The following RBFOX1 variants were observed in gnomAD, a reference collection of about 807,000 sequenced individuals.
RBFOX1 encodes RNA binding protein fox-1 homolog 1.
A neutral mutation model predicts 57.7 loss-of-function variants in RBFOX1; 8 were observed. That is an observed-to-expected ratio of 0.14 (90% CI 0.08 to 0.25). The LOEUF (loss-of-function observed/expected upper bound fraction) is 0.25. Ranked by LOEUF, RBFOX1 falls within the 10% of genes least tolerant of loss-of-function variation. The pLI, the probability that RBFOX1 is intolerant of heterozygous loss-of-function variation, is 1.00. For synonymous variants in RBFOX1, 326 were observed against 222.4 expected, an observed-to-expected ratio of 1.47 and a Z score of -4.15; for missense variants, 611 against 548.5, an observed-to-expected ratio of 1.11 and a Z score of -1.14.
chr16:7,045,746 C>A (rs563197075), intron 3 of RBFOX1, among the ~76,000 whole-genome samples: 1 of 152,094 alleles, frequency 6.6e-6, no homozygotes, highest in East Asian at 1.9e-4. Context: ...ACCTCTGCCA[C>A]CCAGGTTCAA....
intron 2 of RBFOX1, among the ~76,000 whole-genome samples, chr16:5,498,598 G>A (rs538522592): frequency 6.6e-6 from 1 of 152,326 alleles, no homozygotes; most frequent in South Asian, 2.1e-4. Context: ...TGTTTTAGGA[G>A]GCTGTGGCTG....
intron 4 of RBFOX1, among the ~76,000 whole-genome samples, chr16:7,238,706 A>T (rs534978715): frequency 1.2e-4 from 18 of 152,234 alleles, no homozygotes; most frequent in African/African-American, 4.3e-4. Flanking sequence ...CTTGTGTGTC[A>T]TGGGGGTTTG....
intron 4 of RBFOX1, among the ~76,000 whole-genome samples, chr16:7,444,072 C>G (rs562760237): frequency 3.3e-5 from 5 of 152,332 alleles, no homozygotes; most frequent in African/African-American, 9.6e-5. Flanking sequence ...GGAAGTTAAA[C>G]AAGACCACAC....
At chr16:7,231,532 C>T (rs1251516604) in intron 4 of RBFOX1, among the ~76,000 whole-genome samples, 4 of 152,146 alleles carry the variant, frequency 2.6e-5, no homozygotes, top group South Asian at 2.1e-4. Context: ...AACCCATTCC[C>T]AGTTAGATGC....
chr16:5,407,845 G>A (rs913448460), intron 1 of RBFOX1, among the ~76,000 whole-genome samples: 17 of 152,168 alleles, frequency 1.1e-4, no homozygotes, highest in South Asian at 2.1e-4. Flanking sequence ...CACTGCACAT[G>A]GCCCAGGCCT....
chr16:6,796,219 T>A (rs1274202726), intron 3 of RBFOX1, among the ~76,000 whole-genome samples: 4 of 152,246 alleles, frequency 2.6e-5, no homozygotes, highest in African/African-American at 9.6e-5. Flanking sequence ...CTGAAGAGAC[T>A]TATTCACTAT....
chr16:6,116,188 A>T (rs947813376), intron 1 of RBFOX1, among the ~76,000 whole-genome samples: 2 of 151,402 alleles, frequency 1.3e-5, no homozygotes, highest in Admixed American at 1.3e-4. Context: ...CGAACACCGT[A>T]TGTCCTCACT....
intron 3 of RBFOX1, among the ~76,000 whole-genome samples, chr16:6,824,450 T>C (rs1030278669): frequency 3.3e-5 from 5 of 152,204 alleles, no homozygotes; most frequent in African/African-American, 9.6e-5. Flanking sequence ...CAACTCAAGA[T>C]GTTCTATTGC....
chr16:5,737,081 C>G (rs997815318), intron 3 of RBFOX1, among the ~76,000 whole-genome samples: 2 of 152,056 alleles, frequency 1.3e-5, no homozygotes, highest in South Asian at 2.1e-4. Context: ...GTGATGGTGA[C>G]TTGCATTGCC....
At chr16:5,809,195 C>T (rs528318629) in intron 3 of RBFOX1, among the ~76,000 whole-genome samples, 1 of 152,242 alleles carries the variant, frequency 6.6e-6, no homozygotes, top group South Asian at 2.1e-4. Context: ...AAGACTTAAA[C>T]ATTAGACCTA....
intron 1 of RBFOX1, among the ~76,000 whole-genome samples, chr16:6,313,736 C>G (rs774376891): frequency 2.6e-5 from 4 of 152,018 alleles, no homozygotes; most frequent in Admixed American, 6.6e-5. Flanking sequence ...AAATTGTGCC[C>G]AATTCCACTG....
intron 1 of RBFOX1, among the ~76,000 whole-genome samples, chr16:6,213,586 C>T (rs1319107481): frequency 2.0e-5 from 3 of 152,184 alleles, no homozygotes; most frequent in Non-Finnish European, 4.4e-5. Context: ...TAAGTCATGC[C>T]AATTGTTTAT....
At chr16:7,048,324 AT>A (rs1299999312) in intron 3 of RBFOX1, among the ~76,000 whole-genome samples, 4 of 151,958 alleles carry the variant, frequency 2.6e-5, no homozygotes, top group Non-Finnish European at 4.4e-5. Context: ...CAGTGGCACA[AT>A]CTTGGCTCAC....
At chr16:6,884,753 C>T (rs1362936366) in intron 3 of RBFOX1, among the ~76,000 whole-genome samples, 1 of 152,026 alleles carries the variant, frequency 6.6e-6, no homozygotes, top group East Asian at 1.9e-4. Flanking sequence ...CAAAAATTAG[C>T]TAGGTGTGAT....
intron 2 of RBFOX1, among the ~76,000 whole-genome samples, chr16:5,536,782 G>A (rs1436625977): frequency 6.6e-6 from 1 of 151,958 alleles, no homozygotes; most frequent in Admixed American, 6.6e-5. Context: ...GTAATATGTG[G>A]GGGAAAACAG....
intron 2 of RBFOX1, among the ~76,000 whole-genome samples, chr16:6,544,300 A>G (rs1567624578): frequency 6.6e-6 from 1 of 152,176 alleles, no homozygotes; most frequent in Non-Finnish European, 1.5e-5. Context: ...CTTTGAATGG[A>G]TTCAAATCAA....
At position 7,618,576 on chromosome 16, in the gene RBFOX1, C is replaced by G. The variant is rs984571393; in HGVS notation, c.676+11238C>G. Reference sequence around the variant, plus strand: ...ACTTGTTATCATTAGATTATAAACTCTTTAGTTTGAAAGACTTTTTGCTTC... The same window carrying G: ...ACTTGTTATCATTAGATTATAAACTGTTTAGTTTGAAAGACTTTTTGCTTC... On this transcript the variant is annotated intron_variant, in intron 10 of 15. Coordinates refer to ENST00000550418, the MANE Select transcript of RBFOX1 (RefSeq NM_018723.4). 3.3e-5 allele frequency among the ~76,000 whole-genome samples: 5 copies of G among 152,072 alleles called. No homozygotes were observed. The East Asian group carries it at 9.7e-4, about 29-fold the overall frequency.
intron 2 of RBFOX1, among the ~76,000 whole-genome samples, chr16:6,563,842 A>G (rs972211677): frequency 4.0e-5 from 6 of 151,654 alleles, no homozygotes; most frequent in Admixed American, 3.3e-4. Flanking sequence ...AAAAATATAT[A>G]TATATGTGTG....
intron 2 of RBFOX1, among the ~76,000 whole-genome samples, chr16:5,567,113 A>T (rs1405723536): frequency 6.6e-6 from 1 of 152,224 alleles, no homozygotes; most frequent in Non-Finnish European, 1.5e-5. Flanking sequence ...TGAATTGGAG[A>T]TGTTGAAACA....
Sources: allele counts gnomAD v4.1 joint callset (sites outside exome capture counted in the v4.1 genomes callset), GRCh38; gene constraint gnomAD v4.1.1; transcripts MANE v1.5; gene names NCBI Gene and HGNC (gene_info 2026-07-23, HGNC 2026-07-21).